FAT4: variants seen among roughly 807,000 people sequenced by gnomAD.
FAT4 encodes the protein protocadherin Fat 4.
Under a neutral mutation model 303.9 loss-of-function variants are expected in FAT4, and 84 were observed. That is an observed-to-expected ratio of 0.28 (90% CI 0.23 to 0.33). FAT4 has a LOEUF of 0.33. FAT4 is among the 10% of genes least tolerant of loss of function. FAT4 has a pLI of 1.00. For synonymous variants in FAT4, 2,307 were observed against 2,298.8 expected, an observed-to-expected ratio of 1.00 and a Z score of -0.10; for missense variants, 6,005 against 6,146.8, an observed-to-expected ratio of 0.98 and a Z score of 0.77.
intron 7 of FAT4, among the ~76,000 whole-genome samples, chr4:125,418,411 T>C (rs1735158004): frequency 6.6e-6 from 1 of 152,228 alleles, no homozygotes; most frequent in South Asian, 2.1e-4. Flanking sequence ...TAAACTCTCA[T>C]CATATTTTTA....
intron 2 of FAT4, among the ~76,000 whole-genome samples, chr4:125,365,876 C>T (rs1452062435): frequency 6.6e-6 from 1 of 152,176 alleles, no homozygotes; most frequent in Non-Finnish European, 1.5e-5. Context: ...CCCGGGGCCA[C>T]TGACCAGTAC....
At chr4:125,385,843 C>T (rs898387408) in intron 2 of FAT4, among the ~76,000 whole-genome samples, 1 of 152,098 alleles carries the variant, frequency 6.6e-6, no homozygotes, top group Non-Finnish European at 1.5e-5. Context: ...TTCAGCTTTT[C>T]GTCCAGCTTT....
chr4:125,365,681 G>A (rs1732852149), intron 2 of FAT4, among the ~76,000 whole-genome samples: 1 of 152,126 alleles, frequency 6.6e-6, no homozygotes, highest in South Asian at 2.1e-4. Context: ...AAAGAGGAAA[G>A]TATATTTAAG....
chr4:125,440,051 T>G (rs925565128), intron 8 of FAT4, among the ~76,000 whole-genome samples: 2 of 152,196 alleles, frequency 1.3e-5, no homozygotes, highest in Non-Finnish European at 2.9e-5. Flanking sequence ...GTCACTAAAT[T>G]AATTCAAGGT....
intron 2 of FAT4, among the ~76,000 whole-genome samples, chr4:125,352,380 A>T (rs1024728623): frequency 6.6e-6 from 1 of 151,566 alleles, no homozygotes; most frequent in African/African-American, 2.4e-5. Flanking sequence ...AACAGCTTTA[A>T]ATGATTTCTT....
intron 8 of FAT4, among the ~76,000 whole-genome samples, chr4:125,435,589 T>C (rs1725422860): frequency 6.6e-6 from 1 of 152,212 alleles, no homozygotes; most frequent in African/African-American, 2.4e-5. Flanking sequence ...CCACAATACT[T>C]GGTCTCTCTA....
chr4:125,345,192 C>T (rs2125972294), intron 2 of FAT4, among the ~76,000 whole-genome samples: 1 of 152,172 alleles, frequency 6.6e-6, no homozygotes, highest in East Asian at 1.9e-4. Flanking sequence ...CCAGGTGCTT[C>T]CTGGAGGAAA....
intron 2 of FAT4, among the ~76,000 whole-genome samples, chr4:125,354,765 A>AC (rs540726388): frequency 1.3e-5 from 2 of 151,612 alleles, no homozygotes; most frequent in South Asian, 2.1e-4. Context: ...AAAAAAAAAA[A>AC]AAACTGGTTA....
chr4:125,379,870 A>T (rs555402799), intron 2 of FAT4, among the ~76,000 whole-genome samples: 1 of 151,464 alleles, frequency 6.6e-6, no homozygotes, highest in East Asian at 1.9e-4. Context: ...TCTAGCTTAT[A>T]TGCCCACGTG....
In FAT4 at chr4:125,448,505, C is replaced by A. The variant is rs771147425; in HGVS notation, c.7495C>A (p.Pro2499Thr). ...AVTVTDADIG[P>T]NSELHYSLSG... ...TACAGTCACAGATGCTGATATTGGA[C>A]CAAATTCTGAACTGCATTATTCTCT... The change falls in exon 10 of 18, where the codon CCA becomes ACA. Residue 2499 changes from proline (P) to threonine (T), a missense_variant. Pro to Thr is a conservative substitution (Grantham distance 38). Transcript: ENST00000394329. 1.2e-6 allele frequency: 2 copies of A among 1,612,626 alleles called. No homozygotes were observed. Among genetic ancestry groups the A allele is most frequent in the South Asian group, 2.2e-5 (2 of 90,908 alleles).
intron 2 of FAT4, among the ~76,000 whole-genome samples, chr4:125,341,460 TTAG>T (rs1380083285): frequency 2.6e-5 from 4 of 151,964 alleles, no homozygotes; most frequent in African/African-American, 9.7e-5. Flanking sequence ...TGAAGTCTTC[TTAG>T]TAGTGAAATG....
At chr4:125,475,626 A>G (rs1727002180) in intron 12 of FAT4, among the ~76,000 whole-genome samples, 1 of 152,140 alleles carries the variant, frequency 6.6e-6, no homozygotes, top group Admixed American at 6.6e-5. Flanking sequence ...TGAGAGGAGC[A>G]CTTACTTGAT....
intron 2 of FAT4, among the ~76,000 whole-genome samples, chr4:125,344,198 C>T (rs575740742): frequency 2.5e-4 from 38 of 152,268 alleles, no homozygotes; most frequent in African/African-American, 8.7e-4. Context: ...CTCCTTTATA[C>T]ATCTATTCTT....
intron 13 of FAT4, 37 bp from the exon 14 acceptor site, chr4:125,477,118 T>C: frequency 3.1e-6 from 4 of 1,305,794 alleles, no homozygotes; most frequent in Non-Finnish European, 4.0e-6. Flanking sequence ...ATGTAATCTT[T>C]TGACACTAAT....
At chr4:125,489,868 T>TTTTTTG (rs1727547118) in intron 17 of FAT4, 33 bp from the exon 18 acceptor site, 5 of 1,004,974 alleles carry the variant, frequency 5.0e-6, no homozygotes, top group South Asian at 3.6e-5. Context: ...TTTTTTTTTT[T>TTTTTTG]GTAAAAAGCC....
intron 8 of FAT4, among the ~76,000 whole-genome samples, chr4:125,440,072 T>C (rs1450699663): frequency 6.6e-6 from 1 of 152,190 alleles, no homozygotes; most frequent in Non-Finnish European, 1.5e-5. Context: ...TTCTTTTTTC[T>C]TTTTATTCTT....
rs374645878 is a variant in FAT4 at position 125,449,977 on chromosome 4, A to G, written c.8967A>G (p.Lys2989=). Residue 2989 remains lysine (K), a synonymous_variant, in exon 10 of 18, where the codon AAA becomes AAG. Transcript: ENST00000394329. The part of the protein sequence containing the change: ...NDNAPQFLKS[K]YFTPVTKNVK... ...ATGCACCTCAATTTCTTAAAAGTAA[A>G]TATTTCACTCCAGTCACCAAAAATG... 1.6e-5 allele frequency: 26 copies of G among 1,613,748 alleles called. No homozygotes were observed. The African/African-American group carries it at 3.1e-4, about 19-fold the overall frequency.
chr4:125,423,070 A>T (rs1182885282), intron 7 of FAT4, among the ~76,000 whole-genome samples: 2 of 152,156 alleles, frequency 1.3e-5, no homozygotes, highest in Non-Finnish European at 2.9e-5. Context: ...TCTAAATGAC[A>T]AAGGATTTAA....
intron 2 of FAT4, among the ~76,000 whole-genome samples, chr4:125,366,051 G>A (rs557879167): frequency 1.8e-3 from 277 of 152,216 alleles, no homozygotes; most frequent in Non-Finnish European, 2.1e-3. Flanking sequence ...TCTAGATTGC[G>A]TGCCCTTATG....
Sources: gnomAD v4.1 joint callset for allele counts (sites outside exome capture counted in the v4.1 genomes callset) on GRCh38, gnomAD v4.1.1 for gene constraint, MANE v1.5 for transcripts, NCBI Gene and HGNC (gene_info 2026-07-23, HGNC 2026-07-21) for gene names.